The following MVB12B variants were observed in gnomAD, a reference collection of about 807,000 sequenced individuals.
MVB12B encodes the protein ESCRT-I complex subunit MVB12B.
Under a neutral mutation model 41.6 loss-of-function variants are expected in MVB12B, and 16 were observed. That is an observed-to-expected ratio of 0.38 (90% CI 0.26 to 0.58). The LOEUF (loss-of-function observed/expected upper bound fraction) is 0.58, where lower values mean the gene tolerates loss of function less well. Ranked by LOEUF, MVB12B falls within the 20% of genes least tolerant of loss-of-function variation. The pLI, the probability that MVB12B is intolerant of heterozygous loss-of-function variation, is 0.62. For missense variants in MVB12B, 274 were observed against 380.2 expected (o/e 0.72, Z 2.32); for synonymous variants, 133 against 139.7 (o/e 0.95, Z 0.34).
intron 7 of MVB12B, chr9:126,481,065 C>T: frequency 2.6e-6 from 1 of 381,616 alleles, no homozygotes; most frequent in Non-Finnish European, 4.7e-6. Flanking sequence ...AGATCAGAGA[C>T]CAGACTCCAG....
At chr9:126,413,018 G>C (rs1203182998) in intron 6 of MVB12B, among the ~76,000 whole-genome samples, 1 of 152,104 alleles carries the variant, frequency 6.6e-6, no homozygotes, top group South Asian at 2.1e-4. Flanking sequence ...GCTGCTCCCA[G>C]TTCATTGCCA....
At chr9:126,411,669 G>A (rs761362455) in intron 6 of MVB12B, among the ~76,000 whole-genome samples, 9 of 152,222 alleles carry the variant, frequency 5.9e-5, no homozygotes, top group Non-Finnish European at 8.8e-5. Context: ...TCATCAGACC[G>A]TGACAAATGA....
chr9:126,448,389 A>G (rs1005099086), intron 7 of MVB12B: 1 of 152,402 alleles, frequency 6.6e-6, no homozygotes, highest in Admixed American at 6.5e-5. Flanking sequence ...CCTTGTTATT[A>G]AAGAGCTGAT....
chr9:126,357,755 T>G (rs1216874539), intron 2 of MVB12B, among the ~76,000 whole-genome samples: 2 of 152,208 alleles, frequency 1.3e-5, no homozygotes, highest in African/African-American at 4.8e-5. Flanking sequence ...GTATGAACTA[T>G]TTTCTCCCAG....
At chr9:126,327,557 A>G (rs1457916155) in intron 1 of MVB12B, among the ~76,000 whole-genome samples, 1 of 152,084 alleles carries the variant, frequency 6.6e-6, no homozygotes, top group African/African-American at 2.4e-5. Context: ...CAGAGCACCC[A>G]TCCAGGAACA....
chr9:126,421,278 C>T (rs1564322286), intron 6 of MVB12B, among the ~76,000 whole-genome samples: 2 of 152,278 alleles, frequency 1.3e-5, no homozygotes, highest in Admixed American at 6.5e-5. Context: ...CTACTGTGTG[C>T]GCTGCCTGAG....
chr9:126,377,847 G>A (rs1454429391), intron 2 of MVB12B, among the ~76,000 whole-genome samples: 1 of 152,234 alleles, frequency 6.6e-6, no homozygotes, highest in African/African-American at 2.4e-5. Context: ...GATGTAGCCT[G>A]ACATCACTTT....
At chr9:126,467,237 T>G (rs1333315934) in intron 7 of MVB12B, among the ~76,000 whole-genome samples, 2 of 152,202 alleles carry the variant, frequency 1.3e-5, no homozygotes, top group African/African-American at 4.8e-5. Flanking sequence ...TTTACTTCAG[T>G]ATCCTGTACC....
chr9:126,499,132 C>T (rs1255790702), intron 9 of MVB12B, among the ~76,000 whole-genome samples: 1 of 152,172 alleles, frequency 6.6e-6, no homozygotes, highest in Non-Finnish European at 1.5e-5. Flanking sequence ...CTGGAAGCTG[C>T]AGTTGGCACC....
intron 6 of MVB12B, among the ~76,000 whole-genome samples, chr9:126,405,361 G>C (rs2119036441): frequency 6.6e-6 from 1 of 152,208 alleles, no homozygotes; most frequent in Admixed American, 6.5e-5. Context: ...CCAGGGTTTT[G>C]AGAAAGGCTT....
chr9:126,482,610 G>C (rs1196145908), intron 8 of MVB12B, among the ~76,000 whole-genome samples: 2 of 152,366 alleles, frequency 1.3e-5, no homozygotes, highest in East Asian at 3.9e-4. Flanking sequence ...GGGGTGGTTA[G>C]AGCCTAATGA....
chr9:126,487,692 A>C (rs1025435379), intron 9 of MVB12B, among the ~76,000 whole-genome samples: 1 of 151,424 alleles, frequency 6.6e-6, no homozygotes, highest in Non-Finnish European at 1.5e-5. Flanking sequence ...ACTTGAGCCC[A>C]GGAGACGGAG....
In MVB12B at chr9:126,326,892, T is replaced by G. The variant is rs1291970915; in HGVS notation, c.-38T>G. 1.7e-5 allele frequency: 3 copies of G among 176,542 alleles called. No individual in the cohort carries two copies. The highest frequency in any genetic ancestry group is 2.2e-5 in the Non-Finnish European group (2 of 89,764). The allele number at this position is 176,542 out of a possible 1,614,324, so 10.9% of individuals were successfully genotyped here. A position where few individuals can be genotyped will look rare whatever the true frequency, so the allele number is the denominator to read the frequency against. On this transcript the variant is annotated 5_prime_UTR_variant, in exon 1 of 10. Coordinates refer to ENST00000361171, the MANE Select transcript of MVB12B (RefSeq NM_033446.3). The stretch of plus-strand genomic sequence containing the variant: ...AGCTGCGGCGCCGGCTCCTGCCGCC[T>G]GGGCCCCGGGCCCGGCCCCTCCCGC...
chr9:126,496,194 CACCCACCT>C (rs1214926551), intron 9 of MVB12B, among the ~76,000 whole-genome samples: 3 of 142,902 alleles, frequency 2.1e-5, no homozygotes, highest in Non-Finnish European at 3.0e-5. Flanking sequence ...TCCACCCACC[CACCCACCT>C]ACCCACCCGT....
chr9:126,405,612 T>C (rs1403439186), intron 6 of MVB12B, among the ~76,000 whole-genome samples: 1 of 152,012 alleles, frequency 6.6e-6, no homozygotes, highest in African/African-American at 2.4e-5. Flanking sequence ...AGGATTTTAC[T>C]ACCACCCCCT....
chr9:126,373,075 C>A (rs369645102), intron 2 of MVB12B, among the ~76,000 whole-genome samples: 5 of 152,236 alleles, frequency 3.3e-5, no homozygotes, highest in African/African-American at 1.2e-4. Context: ...TGGAAAGGAC[C>A]ACCTGAAGAC....
chr9:126,336,727 G>A (rs1829290187), intron 1 of MVB12B, among the ~76,000 whole-genome samples: 1 of 146,918 alleles, frequency 6.8e-6, no homozygotes, highest in Non-Finnish European at 1.5e-5. Flanking sequence ...TACACTTGTG[G>A]GCGCACATAC....
chr9:126,492,178 T>G (rs750582156), intron 9 of MVB12B, among the ~76,000 whole-genome samples: 3 of 146,370 alleles, frequency 2.0e-5, no homozygotes, highest in Non-Finnish European at 4.5e-5. Flanking sequence ...GCGACCTGCC[T>G]CTGTACTATC....
intron 1 of MVB12B, chr9:126,335,335 G>C: frequency 1.5e-6 from 2 of 1,304,282 alleles, no homozygotes; most frequent in Non-Finnish European, 2.0e-6. Context: ...CCCCACGGGT[G>C]GCCCCAAAGC....
Sources: allele counts gnomAD v4.1 joint callset (sites outside exome capture counted in the v4.1 genomes callset), GRCh38; gene constraint gnomAD v4.1.1; transcripts MANE v1.5; gene names NCBI Gene and HGNC (gene_info 2026-07-23, HGNC 2026-07-21).